TMEM242: variants seen among roughly 807,000 people sequenced by gnomAD.
The protein encoded by TMEM242 is transmembrane protein 242.
Under a neutral mutation model 18.2 loss-of-function variants are expected in TMEM242, and 10 were observed. The ratio of observed to expected loss-of-function variants is 0.55; its 90% CI spans 0.34 to 0.93. TMEM242 has a LOEUF of 0.93. Ranked by LOEUF, TMEM242 falls within the 40% of genes least tolerant of loss-of-function variation. The pLI is 0.02. For synonymous variants in TMEM242, 57 were observed against 69.9 expected, an observed-to-expected ratio of 0.81 and a Z score of 0.92; for missense variants, 186 against 175.5, an observed-to-expected ratio of 1.06 and a Z score of -0.34.
chr6:157,309,236 A>G (rs782784219), intron 3 of TMEM242, among the ~76,000 whole-genome samples: 3 of 152,214 alleles, frequency 2.0e-5, no homozygotes, highest in Non-Finnish European at 4.4e-5. Context: ...TATGATTACA[A>G]CTTAGTAGGA....
intron 3 of TMEM242, among the ~76,000 whole-genome samples, chr6:157,315,044 G>C (rs1778365025): frequency 6.6e-6 from 1 of 152,182 alleles, no homozygotes; most frequent in Admixed American, 6.6e-5. Context: ...GATCATCTCA[G>C]TTATTTATTG....
At chr6:157,318,519 GC>G (rs1778443215) in intron 3 of TMEM242, 2 of 456,828 alleles carry the variant, frequency 4.4e-6, no homozygotes, top group Admixed American at 8.4e-5. Context: ...CACTGCACTC[GC>G]CCTAATGTCA....
rs370405479 is a variant in TMEM242, at chr6:157,289,053, C to CTTT, written c.*3845_*3847dup. ...CTTTAAGTACATTTAATACATTCAC[C>CTTT]TTTTTTTTTTTTTAAAGTAAGGGAT... On this transcript the variant is annotated 3_prime_UTR_variant, in exon 4 of 4. Transcript: ENST00000400788. Among the ~76,000 whole-genome samples the CTTT allele has an allele frequency of 2.1e-4, 31 of 147,144 alleles. No homozygotes were observed. Among genetic ancestry groups the CTTT allele is most frequent in the Admixed American group, 3.4e-4 (5 of 14,784 alleles).
At chr6:157,313,093 C>G (rs1554249609) in intron 3 of TMEM242, among the ~76,000 whole-genome samples, 1 of 137,682 alleles carries the variant, frequency 7.3e-6, no homozygotes, top group African/African-American at 2.7e-5. Context: ...CACCTGGCCT[C>G]ATCAAAGTGT....
intron 3 of TMEM242, among the ~76,000 whole-genome samples, chr6:157,316,071 G>C (rs1352770325): frequency 6.6e-6 from 1 of 152,176 alleles, no homozygotes; most frequent in African/African-American, 2.4e-5. Context: ...TTCTAAGTGA[G>C]ACTATTTGTA....
intron 3 of TMEM242, among the ~76,000 whole-genome samples, chr6:157,311,219 C>T (rs1554248662): frequency 9.3e-6 from 1 of 107,234 alleles, no homozygotes; most frequent in Admixed American, 8.6e-5. Flanking sequence ...ACTGTGCGCT[C>T]ACCTAGCCTC....
At chr6:157,293,323 C>T (rs1269566322) in intron 3 of TMEM242, among the ~76,000 whole-genome samples, 1 of 151,796 alleles carries the variant, frequency 6.6e-6, no homozygotes, top group Non-Finnish European at 1.5e-5. Flanking sequence ...TTGAGTCCAG[C>T]CTGGGCAACA....
chr6:157,311,597 T>A (rs1276786508), intron 3 of TMEM242, among the ~76,000 whole-genome samples: 94 of 29,718 alleles, frequency 3.2e-3, no homozygotes, highest in African/African-American at 0.013. Context: ...TCCCCTCACC[T>A]AGCCTCATCA....
At chr6:157,304,462 C>CAAAAAAAA (rs782782714) in intron 3 of TMEM242, among the ~76,000 whole-genome samples, 2 of 67,260 alleles carry the variant, frequency 3.0e-5, no homozygotes, top group African/African-American at 5.5e-5. Flanking sequence ...GAGACTCTGT[C>CAAAAAAAA]AAAAAAAAAA....
chr6:157,321,218 A>C (rs587749195), intron 2 of TMEM242, among the ~76,000 whole-genome samples: 68 of 151,970 alleles, frequency 4.5e-4, no homozygotes, highest in African/African-American at 1.2e-3. Flanking sequence ...TCGTGTTAGC[A>C]AGGATGGTCT....
In TMEM242 at chr6:157,296,051, A is replaced by C. The variant is rs145459846; in HGVS notation, c.328-3052T>G. ...TTGACCAATGATTCTCTATACATGA[A>C]GCCAACAGAACATTTCCCTGTTTAA... On this transcript the variant is annotated intron_variant, in intron 3 of 3. Transcript: ENST00000400788. Among the ~76,000 whole-genome samples the C allele has an allele frequency of 9.3e-3, 1,420 of 152,328 alleles. 11 individuals carry two copies. Among genetic ancestry groups the C allele is most frequent in the Middle Eastern group, 0.027 (8 of 294 alleles).
chr6:157,313,236 G>C (rs201379851), intron 3 of TMEM242, among the ~76,000 whole-genome samples: 104 of 6,104 alleles, frequency 0.017, 1 homozygote, highest in Middle Eastern at 0.12. Flanking sequence ...CCTCATCATA[G>C]TGTCGCAGAG....
chr6:157,313,781 G>T (rs1340268640), intron 3 of TMEM242, among the ~76,000 whole-genome samples: 9 of 122,642 alleles, frequency 7.3e-5, no homozygotes, highest in African/African-American at 2.5e-4. Flanking sequence ...TAATCATAGT[G>T]TCCCAGTGTG....
chr6:157,307,824 AG>A (rs1194793300), intron 3 of TMEM242, among the ~76,000 whole-genome samples: 1 of 152,266 alleles, frequency 6.6e-6, no homozygotes, highest in East Asian at 1.9e-4. Flanking sequence ...GACTGTTCTG[AG>A]GTTCTAGTGA....
At chr6:157,298,679 T>C (rs1273111135) in intron 3 of TMEM242, among the ~76,000 whole-genome samples, 1 of 152,240 alleles carries the variant, frequency 6.6e-6, no homozygotes, top group Non-Finnish European at 1.5e-5. Flanking sequence ...TTTTACAGCA[T>C]ATAAATGAAC....
intron 3 of TMEM242, among the ~76,000 whole-genome samples, chr6:157,313,479 C>A (rs1778277490): frequency 6.7e-6 from 1 of 149,730 alleles, no homozygotes; most frequent in Non-Finnish European, 1.5e-5. Context: ...CATAGTGCCC[C>A]AGTGTGCACT....
intron 3 of TMEM242, among the ~76,000 whole-genome samples, chr6:157,314,945 T>G (rs1372846772): frequency 6.6e-6 from 1 of 152,222 alleles, no homozygotes; most frequent in Non-Finnish European, 1.5e-5. Flanking sequence ...CACCCTTTTG[T>G]ATTGGAACTG....
At chr6:157,311,376 T>TGTGCACGCATACGGCCTCATCATAGTGTC (rs1778081141) in intron 3 of TMEM242, among the ~76,000 whole-genome samples, 1 of 19,594 alleles carries the variant, frequency 5.1e-5, no homozygotes, top group Admixed American at 5.4e-4. Context: ...ATCATAGTGT[T>TGTGCACGCATACGGCCTCATCATAGTGTC]CCAGTGTGCG....
rs1554246750 is a variant in TMEM242 at position 157,289,738 on chromosome 6, A to G, written c.*3163T>C. On this transcript the variant is annotated 3_prime_UTR_variant, in exon 4 of 4. Transcript: ENST00000400788. The stretch of plus-strand genomic sequence containing the variant: ...TCTTCTATTTTCCCCTTAGATTGCA[A>G]TGATTAATTTGCAAGTTTGGTCCCA... 6.7e-6 allele frequency: 1 copy of G among 149,798 alleles called. No homozygotes were observed. Among genetic ancestry groups the G allele is most frequent in the East Asian group, 2.0e-4 (1 of 5,020 alleles). 9.3% of individuals were successfully genotyped at this position (149,798 alleles called of 1,614,324 possible).
Sources: gnomAD v4.1 joint callset for allele counts (sites outside exome capture counted in the v4.1 genomes callset) on GRCh38, gnomAD v4.1.1 for gene constraint, MANE v1.5 for transcripts, NCBI Gene and HGNC (gene_info 2026-07-23, HGNC 2026-07-21) for gene names.